DRC7: variants seen among roughly 807,000 people sequenced by gnomAD.
DRC7 encodes dynein regulatory complex subunit 7.
In DRC7, 80 loss-of-function variants were observed where a neutral mutation model predicts 104.4. That is an observed-to-expected ratio of 0.77 (90% CI 0.64 to 0.92). The LOEUF is 0.92. Ranked by LOEUF, DRC7 falls within the 40% of genes least tolerant of loss-of-function variation. The probability of loss-of-function intolerance (pLI) is 0.00; values close to 1 mark genes in which losing one functional copy is unlikely to be tolerated. For synonymous variants in DRC7, 405 were observed against 447.3 expected (o/e 0.91, Z 1.19); for missense variants, 1,034 against 1,141.1 (o/e 0.91, Z 1.35).
intron 8 of DRC7, chr16:57,714,607 C>CAG (rs771013665): frequency 5.3e-5 from 9 of 170,150 alleles, no homozygotes; most frequent in Non-Finnish European, 8.7e-5. Context: ...GCCTGGGCAA[C>CAG]AGAGAGAGAG....
chr16:57,702,071 G>A lies in DRC7; in HGVS notation c.640G>A (p.Asp214Asn). Residue 214 changes from aspartate (D) to asparagine (N), a missense_variant, in exon 6 of 19, where the codon GAC becomes AAC. By Grantham distance (23) the Asp-to-Asn change is conservative (BLOSUM62 1). Coordinates refer to ENST00000360716, the MANE Select transcript of DRC7 (RefSeq NM_001289162.2). ...CTGCGTCAACGGCTACGGCTCGCTGGACCTGTGCCACATGGACCTGACGCG... is the reference window on the plus strand; with the variant it reads ...CTGCGTCAACGGCTACGGCTCGCTGAACCTGTGCCACATGGACCTGACGCG... ...AYCVNGYGSL[D>N]LCHMDLTREV... 6.2e-7 allele frequency: 1 copy of A among 1,614,158 alleles called. No individual in the cohort carries two copies.
rs182810074 is a variant in DRC7 at position 57,731,226 on chromosome 16, C to A, written c.2593C>A (p.Arg865Ser). ...ALEEKLYKDP[R>S]LGELQKIFA is the part of the protein sequence containing the mutation. ...GGAGGAAAAGCTCTACAAGGACCCA[C>A]GCCTGGGGGAGCTCCAGAAAATATT... Residue 865 changes from arginine (R) to serine (S), a missense_variant, in exon 19 of 19, where the codon CGC (arginine) becomes AGC (serine). Arg to Ser is a moderately radical substitution (Grantham distance 110). Transcript: ENST00000360716. 2.5e-6 allele frequency: 4 copies of A among 1,613,612 alleles called. No homozygotes were observed. Among genetic ancestry groups the A allele is most frequent in the African/African-American group, 1.3e-5 (1 of 74,918 alleles).
chr16:57,729,186 A>G (rs370382328), intron 17 of DRC7, among the ~76,000 whole-genome samples: 1 of 104,582 alleles, frequency 9.6e-6, no homozygotes, highest in South Asian at 3.6e-4. Flanking sequence ...GGGTAGATGG[A>G]TGAATGGATG....
At chr16:57,701,181 G>A (rs576183752) in intron 5 of DRC7, among the ~76,000 whole-genome samples, 274 of 152,318 alleles carry the variant, frequency 1.8e-3, no homozygotes, top group African/African-American at 6.3e-3. Context: ...TGGGGTTTTT[G>A]TAGTTTGCTG....
At chr16:57,707,391 G>C in intron 7 of DRC7, 69 bp from the exon 8 acceptor site, 1 of 1,430,460 alleles carries the variant, frequency 7.0e-7, no homozygotes, top group Non-Finnish European at 9.6e-7. Context: ...CAGCCCCAGG[G>C]AGATGTCTGG....
chr16:57,698,560 G>T (rs1171589013), intron 3 of DRC7, among the ~76,000 whole-genome samples: 10 of 152,054 alleles, frequency 6.6e-5, no homozygotes, highest in Non-Finnish European at 2.9e-5. Context: ...CAGGTGTGGT[G>T]GTGCCTATAG....
At chr16:57,728,265 G>GA in intron 16 of DRC7, 125 bp from the exon 17 acceptor site, 1 of 842,522 alleles carries the variant, frequency 1.2e-6, no homozygotes, top group Non-Finnish European at 1.8e-6. Context: ...GCCCATCTTG[G>GA]AGGCGCCATG....
intron 16 of DRC7, among the ~76,000 whole-genome samples, chr16:57,728,137 G>A (rs2048993451): frequency 1.3e-5 from 2 of 152,226 alleles, no homozygotes; most frequent in African/African-American, 4.8e-5. Context: ...CAGATCCTCA[G>A]ATCCTCAGAG....
intron 8 of DRC7, chr16:57,713,776 A>G (rs1173473509): frequency 1.3e-5 from 2 of 153,110 alleles, no homozygotes; most frequent in Non-Finnish European, 2.9e-5. Context: ...CTGTCTGTCC[A>G]TCTGCATGGC....
intron 8 of DRC7, among the ~76,000 whole-genome samples, chr16:57,708,528 G>C (rs2048757654): frequency 6.6e-6 from 1 of 152,178 alleles, no homozygotes; most frequent in Non-Finnish European, 1.5e-5. Context: ...ACTGTGTCCA[G>C]TTTGGGACTA....
Position 57,726,932 on chromosome 16 carries a change from CAG to C in DRC7, c.2078_2079del (p.Glu693AlafsTer25), listed in dbSNP as rs1439045181. 1 of 1,607,670 alleles carries C rather than the reference CAG, an allele frequency of 6.2e-7. No individual in the cohort carries two copies. Among genetic ancestry groups the C allele is most frequent in the Non-Finnish European group, 8.5e-7 (1 of 1,175,172 alleles). On this transcript the variant is annotated frameshift_variant, in exon 15 of 19. Transcript: ENST00000360716. LOFTEE classifies it high-confidence loss of function. ...CTGTCCAGACATCAGGTCTGGGAGT[CAG>C]AGCTGGAGGTAGGGTCCTGTGGGAG...
rs1428350959 is a variant in DRC7 at position 57,717,408 on chromosome 16, A to AAAC, written c.1078-937_1078-936insCAA. On this transcript the variant is annotated intron_variant, in intron 8 of 18. Transcript: ENST00000360716. Reference sequence around the variant, plus strand: ...TAACACCATGCACTGGCTTAAAAAAAAAAAAAAAGGCCAGGCACGGTGCCT... The same window carrying AAAC: ...TAACACCATGCACTGGCTTAAAAAAAAACAAAAAAAAGGCCAGGCACGGTGCCT... Among the ~76,000 whole-genome samples, 6 of 151,256 alleles carry AAAC rather than the reference A, an allele frequency of 4.0e-5. 1 individual carries two copies. Among genetic ancestry groups the AAAC allele is most frequent in the African/African-American group, 1.5e-4 (6 of 41,162 alleles).
At chr16:57,728,304 T>G in intron 16 of DRC7, 86 bp from the exon 17 acceptor site, 1 of 1,328,324 alleles carries the variant, frequency 7.5e-7, no homozygotes, top group Non-Finnish European at 1.0e-6. Flanking sequence ...AGGTCTGGCT[T>G]TGTGCTGGCA....
chr16:57,708,081 A>G (rs1335165511), intron 8 of DRC7, among the ~76,000 whole-genome samples: 2 of 152,164 alleles, frequency 1.3e-5, no homozygotes, highest in Non-Finnish European at 2.9e-5. Flanking sequence ...CCCTTTGCAC[A>G]ATTACTATCT....
chr16:57,707,921 T>A lies in DRC7; in HGVS notation c.1077+243T>A, dbSNP rs558461951. On this transcript the variant is annotated intron_variant, in intron 8 of 18. Coordinates refer to ENST00000360716, the MANE Select transcript of DRC7 (RefSeq NM_001289162.2). ...GTGTGGATTGTTTGAATGCATTTTT[T>A]AAAAACTCTATATTGAAGTGTAACC... 8.9e-6 allele frequency: 5 copies of A among 559,656 alleles called. No homozygotes were observed. In the Admixed American group the frequency reaches 1.5e-4, roughly 17 times the overall value. The allele number at this position is 559,656 out of a possible 1,614,324, so 34.7% of individuals were successfully genotyped here.
At chr16:57,710,483 C>A (rs1226396771) in intron 8 of DRC7, among the ~76,000 whole-genome samples, 4 of 152,166 alleles carry the variant, frequency 2.6e-5, no homozygotes, top group Non-Finnish European at 5.9e-5. Flanking sequence ...CTTTTCCCAT[C>A]TGGATGCTTT....
In DRC7 at chr16:57,714,678, T is replaced by C. The variant is rs190658896; in HGVS notation, c.1078-3669T>C. On this transcript the variant is annotated intron_variant, in intron 8 of 18. Coordinates refer to ENST00000360716, the MANE Select transcript of DRC7 (RefSeq NM_001289162.2). The stretch of plus-strand genomic sequence containing the variant: ...CATATGCACTGGACAGTGAGGTTTC[T>C]ATCGGGAATGAAATGAAGAGTATGA... 1,047 of 223,096 alleles carry C rather than the reference T, an allele frequency of 4.7e-3. 5 individuals are homozygous for C. Among genetic ancestry groups the C allele is most frequent in the Non-Finnish European group, 7.4e-3 (825 of 112,178 alleles). The allele number at this position is 223,096 out of a possible 1,614,324, so 13.8% of individuals were successfully genotyped here.
At position 57,724,841 on chromosome 16, in the gene DRC7, A is replaced by G. The variant is rs775994949; in HGVS notation, c.1758+6A>G. 23 of 1,608,928 alleles carry G rather than the reference A, an allele frequency of 1.4e-5. No homozygotes were observed. Among genetic ancestry groups the G allele is most frequent in the Non-Finnish European group, 3.4e-6 (4 of 1,177,548 alleles). ...CAAACCCCCGGCCCATTGTGGTAAG[A>G]GCTCGCGGGGGCTGGGGACAGGTCG... On this transcript the variant is annotated splice_donor_region_variant and intron_variant, in intron 13 of 18. Transcript: ENST00000360716.
At chr16:57,725,998 C>A in intron 13 of DRC7, 70 bp from the exon 14 acceptor site, 1 of 1,357,016 alleles carries the variant, frequency 7.4e-7, no homozygotes, top group Non-Finnish European at 1.0e-6. Context: ...CTCCTGCCTG[C>A]GGGCATGCAC....
Sources: gnomAD v4.1 joint callset for allele counts (sites outside exome capture counted in the v4.1 genomes callset) on GRCh38, gnomAD v4.1.1 for gene constraint, MANE v1.5 for transcripts, NCBI Gene and HGNC (gene_info 2026-07-23, HGNC 2026-07-21) for gene names.